Variants in PLEKHH1 observed in about 807,000 individuals in gnomAD.
PLEKHH1 encodes pleckstrin homology, MyTH4 and FERM domain containing H1.
A neutral mutation model predicts 160.0 loss-of-function variants in PLEKHH1; 104 were observed. That is an observed-to-expected ratio of 0.65 (90% CI 0.55 to 0.76). PLEKHH1 has a LOEUF of 0.76. Among genes scored for constraint, PLEKHH1 ranks in the 30% least tolerant of loss-of-function variants. PLEKHH1 has a pLI of 0.00. For missense variants in PLEKHH1, 1,427 were observed against 1,724.1 expected, an observed-to-expected ratio of 0.83 and a Z score of 3.05; for synonymous variants, 619 against 678.4, an observed-to-expected ratio of 0.91 and a Z score of 1.36.
Position 67,586,050 on chromosome 14 carries a change from G to A in PLEKHH1, c.3886G>A (p.Gly1296Arg). The A allele has an allele frequency of 6.2e-7, 1 of 1,613,984 alleles. No homozygotes were observed. Among genetic ancestry groups the A allele is most frequent in the Admixed American group, 1.7e-5 (1 of 60,010 alleles). Residue 1296 changes from glycine to arginine, a missense_variant, in exon 28 of 29, where the codon GGA (glycine) becomes AGA (arginine). Coordinates refer to ENST00000329153, the MANE Select transcript of PLEKHH1 (RefSeq NM_020715.3). ...TAGATCTATCCCAGACAAGAGCTCT[G>A]GAAAAAGCCACATTGAGAAGTTGAT... is the stretch of plus-strand genomic sequence containing the variant. ...VIRSIPDKSS[G>R]KSHIEKLIFR...
At chr14:67,570,960 G>A (rs1450342390) in intron 9 of PLEKHH1, 1 of 152,220 alleles carries the variant, frequency 6.6e-6, no homozygotes, top group Non-Finnish European at 1.5e-5. Flanking sequence ...TTGACCTTGT[G>A]ATCCGCCTGC....
intron 2 of PLEKHH1, among the ~76,000 whole-genome samples, chr14:67,548,694 T>C (rs900232395): frequency 1.3e-5 from 2 of 152,000 alleles, no homozygotes; most frequent in African/African-American, 4.8e-5. Context: ...CAAAACTCTG[T>C]CTCAAAAAAA....
At chr14:67,538,534 T>A (rs1347353227) in intron 1 of PLEKHH1, among the ~76,000 whole-genome samples, 1 of 152,230 alleles carries the variant, frequency 6.6e-6, no homozygotes, top group African/African-American at 2.4e-5. Context: ...GCAAGGTGAC[T>A]TAGCAGGTGA....
rs1311958561 is a variant in PLEKHH1, at chr14:67,589,012, C to T, written c.*1777C>T. The T allele has an allele frequency of 6.6e-6, 1 of 152,656 alleles. No homozygotes were observed. The highest frequency in any genetic ancestry group is 6.5e-5 in the Admixed American group (1 of 15,282). The allele number at this position is 152,656 out of a possible 1,614,324, so 9.5% of individuals were successfully genotyped here. Reference sequence around the variant, plus strand: ...TGGGGATCTAGCTGAGACATTTCTACCTCGAACAAGTCACATGTACCACAG... The same window carrying T: ...TGGGGATCTAGCTGAGACATTTCTATCTCGAACAAGTCACATGTACCACAG... On this transcript the variant is annotated 3_prime_UTR_variant, in exon 29 of 29. Coordinates refer to ENST00000329153, the MANE Select transcript of PLEKHH1 (RefSeq NM_020715.3).
rs765267424 is a variant in PLEKHH1, at chr14:67,578,792, C to A, written c.2849+161C>A. 2.6e-5 allele frequency among the ~76,000 whole-genome samples: 4 copies of A among 152,164 alleles called. No homozygotes were observed. Among genetic ancestry groups the A allele is most frequent in the African/African-American group, 9.7e-5 (4 of 41,444 alleles). On this transcript the variant is annotated intron_variant, in intron 20 of 28. Transcript: ENST00000329153. The surrounding 1 kb of genome is among the most constrained non-coding windows in gnomAD (Gnocchi z 5.0). ...CCATTGCCGTGTGCACAAATGGGCA[C>A]GTGTGGATCTGGGCATGCTTAAGCT... is the stretch of plus-strand genomic sequence containing the variant.
At chr14:67,586,140 T>G in intron 28 of PLEKHH1, 43 bp downstream of exon 28, 1 of 1,604,352 alleles carries the variant, frequency 6.2e-7, no homozygotes, top group Non-Finnish European at 8.5e-7. Flanking sequence ...TGGCAAGATG[T>G]GGTGGGCTTG....
At chr14:67,585,382 C>T in intron 26 of PLEKHH1, 186 bp from the exon 27 acceptor site, 1 of 574,524 alleles carries the variant, frequency 1.7e-6, no homozygotes, top group Non-Finnish European at 3.1e-6. Context: ...CCAAGGGTCT[C>T]CTGTCACAAG....
At chr14:67,585,448 T>G in intron 26 of PLEKHH1, 120 bp from the exon 27 acceptor site, 1 of 674,204 alleles carries the variant, frequency 1.5e-6, no homozygotes, top group South Asian at 1.8e-5. Flanking sequence ...TTTTCCAAGA[T>G]GAGGTGGCTG....
intron 2 of PLEKHH1, among the ~76,000 whole-genome samples, chr14:67,542,881 G>A (rs1342072400): frequency 6.6e-6 from 1 of 151,982 alleles, no homozygotes; most frequent in Non-Finnish European, 1.5e-5. Flanking sequence ...TGTGTTATTA[G>A]TAGAGACGTG....
Position 67,551,599 on chromosome 14 carries a change from G to T in PLEKHH1, c.127-4226G>T, listed in dbSNP as rs578120905. On this transcript the variant is annotated intron_variant, in intron 2 of 28. Coordinates refer to ENST00000329153, the MANE Select transcript of PLEKHH1 (RefSeq NM_020715.3). ...TGCCATTCTCTCCCGTGGGTGCAAG[G>T]CAGCGGTAATAATGTTGAACCTTTC... is the stretch of plus-strand genomic sequence containing the variant. Among the ~76,000 whole-genome samples, 254 of 152,194 alleles carry T rather than the reference G, an allele frequency of 1.7e-3. 1 individual carries two copies. The highest frequency in any genetic ancestry group is 2.9e-3 in the Non-Finnish European group (200 of 68,028).
intron 28 of PLEKHH1, 162 bp downstream of exon 28, chr14:67,586,259 C>T (rs989319893): frequency 9.2e-7 from 1 of 1,090,262 alleles, no homozygotes; most frequent in Non-Finnish European, 1.4e-6. Flanking sequence ...GGTGGTGTTG[C>T]ATCTCCGTAT....
intron 1 of PLEKHH1, among the ~76,000 whole-genome samples, chr14:67,540,625 CAAAA>C (rs61700275): frequency 1.6e-5 from 2 of 123,228 alleles, no homozygotes; most frequent in Non-Finnish European, 3.6e-5. Flanking sequence ...GACTCTCCCT[CAAAA>C]AAAAAAAAAA....
At chr14:67,580,532 C>G (rs1172445053) in intron 22 of PLEKHH1, among the ~76,000 whole-genome samples, 2 of 152,238 alleles carry the variant, frequency 1.3e-5, no homozygotes, top group African/African-American at 4.8e-5. Flanking sequence ...AAAACTATGC[C>G]ACATACCTTC....
chr14:67,555,442 G>T (rs1404382891), intron 2 of PLEKHH1, among the ~76,000 whole-genome samples: 2 of 152,302 alleles, frequency 1.3e-5, no homozygotes, highest in African/African-American at 4.8e-5. Context: ...CAGCAGCATG[G>T]CCCCACCTTC....
intron 7 of PLEKHH1, among the ~76,000 whole-genome samples, chr14:67,567,853 G>T (rs2035180993): frequency 6.8e-6 from 1 of 146,296 alleles, no homozygotes; most frequent in Admixed American, 6.7e-5. Flanking sequence ...CGTCAGCCTT[G>T]GTGACTCACG....
At chr14:67,567,038 T>C (rs564623153) in intron 7 of PLEKHH1, among the ~76,000 whole-genome samples, 3 of 152,256 alleles carry the variant, frequency 2.0e-5, no homozygotes, top group African/African-American at 7.2e-5. Flanking sequence ...CAAAAGAATG[T>C]AAGGAGATCT....
chr14:67,576,085 C>T lies in PLEKHH1; in HGVS notation c.2352+80C>T. 1 of 1,164,130 alleles carries T rather than the reference C, an allele frequency of 8.6e-7. No individual in the cohort carries two copies. The highest frequency in any genetic ancestry group is 1.2e-6 in the Non-Finnish European group (1 of 815,794). 72.1% of individuals were successfully genotyped at this position (1,164,130 alleles called of 1,614,324 possible). On this transcript the variant is annotated intron_variant, in intron 16 of 28. Coordinates refer to ENST00000329153, the MANE Select transcript of PLEKHH1 (RefSeq NM_020715.3). This position sits in a 1 kb window ranked among gnomAD's most constrained non-coding sequence, Gnocchi z 4.0. Reference sequence around the variant, plus strand: ...TCCCTTCTCTCTTTCTCCTGAGCTTCCCAAAATTCAAATTTATTTCCTTTT... The same window carrying T: ...TCCCTTCTCTCTTTCTCCTGAGCTTTCCAAAATTCAAATTTATTTCCTTTT...
At chr14:67,580,866 GCCCTGGCTGGACCTTGAT>G in intron 22 of PLEKHH1, 54 bp from the exon 23 acceptor site, 1 of 985,282 alleles carries the variant, frequency 1.0e-6, no homozygotes, top group Non-Finnish European at 1.6e-6. Flanking sequence ...TCTGAGTCCA[GCCCTGGCTGGACCTTGAT>G]CCCTTCTCTC....
chr14:67,539,355 G>A (rs1283375849), intron 1 of PLEKHH1, among the ~76,000 whole-genome samples: 1 of 152,182 alleles, frequency 6.6e-6, no homozygotes, highest in Non-Finnish European at 1.5e-5. Context: ...AGGTCACAAT[G>A]CAGGGATTGT....
Sources: allele counts gnomAD v4.1 joint callset (sites outside exome capture counted in the v4.1 genomes callset), GRCh38; gene constraint gnomAD v4.1.1; non-coding constraint Gnocchi (gnomAD v3.1); transcripts MANE v1.5; gene names NCBI Gene and HGNC (gene_info 2026-07-23, HGNC 2026-07-21).